BBS9: variants seen among roughly 807,000 people sequenced by gnomAD.
BBS9 encodes Bardet-Biedl syndrome 9.
In BBS9, 89 loss-of-function variants were observed where a neutral mutation model predicts 117.7. The observed-to-expected ratio is 0.76, with a 90% CI of 0.64 to 0.90. The LOEUF is 0.90. BBS9 is among the 40% of genes least tolerant of loss of function. BBS9 has a pLI of 0.00. For synonymous variants in BBS9, 379 were observed against 370.9 expected, an observed-to-expected ratio of 1.02 and a Z score of -0.25; for missense variants, 982 against 1,042.2, an observed-to-expected ratio of 0.94 and a Z score of 0.80.
intron 5 of BBS9, among the ~76,000 whole-genome samples, chr7:33,208,335 C>T (rs1787351548): frequency 6.6e-6 from 1 of 152,196 alleles, no homozygotes; most frequent in African/African-American, 2.4e-5. Context: ...AAACCTCTGT[C>T]TCTGTTTTCT....
chr7:33,273,083 C>G lies in BBS9; in HGVS notation c.774C>G (p.Ser258=). ...TTGTCTCTTTCAATCAGTCGGCATC[C>G]TCTGTTTTTGTTCTTGGTGAGAGAA... ...ICIVSFNQSA[S]SVFVLGERNF... is the part of the protein sequence containing the mutation. The change falls in exon 8 of 23, where the codon TCC becomes TCG. Residue 258 remains serine (S), a synonymous_variant. Transcript: ENST00000242067. 1 of 1,613,684 alleles carries G rather than the reference C, an allele frequency of 6.2e-7. No individual in the cohort carries two copies. Among genetic ancestry groups the G allele is most frequent in the Non-Finnish European group, 8.5e-7 (1 of 1,179,774 alleles).
intron 5 of BBS9, among the ~76,000 whole-genome samples, chr7:33,197,429 A>G (rs1008915084): frequency 6.6e-6 from 1 of 152,038 alleles, no homozygotes; most frequent in African/African-American, 2.4e-5. Context: ...GAAATGAACA[A>G]TCTGCCCTTC....
chr7:33,475,976 G>C (rs1411435211), intron 19 of BBS9, among the ~76,000 whole-genome samples: 1 of 152,120 alleles, frequency 6.6e-6, no homozygotes, highest in Non-Finnish European at 1.5e-5. Flanking sequence ...AGAGTCTGGT[G>C]CAATAAATAC....
chr7:33,341,789 G>C (rs560639271), intron 11 of BBS9, among the ~76,000 whole-genome samples: 1 of 149,758 alleles, frequency 6.7e-6, no homozygotes, highest in Non-Finnish European at 1.5e-5. Context: ...CTGAGAAATA[G>C]AAAGGATGAA....
chr7:33,213,972 C>T (rs1016813708), intron 5 of BBS9, among the ~76,000 whole-genome samples: 1 of 152,122 alleles, frequency 6.6e-6, no homozygotes, highest in Admixed American at 6.5e-5. Flanking sequence ...CAGCCACTCC[C>T]CTAGCCACCC....
chr7:33,164,185 G>A (rs1267649831), intron 4 of BBS9, among the ~76,000 whole-genome samples: 1 of 152,176 alleles, frequency 6.6e-6, no homozygotes, highest in Non-Finnish European at 1.5e-5. Flanking sequence ...ATTGCACTGT[G>A]GTCTGAGAGA....
rs775980587 is a variant in BBS9 at position 33,388,270 on chromosome 7, G to A, written c.2115+126G>A. The A allele has an allele frequency of 3.6e-4, 421 of 1,182,234 alleles. 4 individuals carry two copies. The South Asian group carries it at 4.8e-3, about 14-fold the overall frequency. 73.2% of individuals were successfully genotyped at this position (1,182,234 alleles called of 1,614,324 possible). A position where few individuals can be genotyped will look rare whatever the true frequency, so the allele number is the denominator to read the frequency against. ...AGTGCTTTAAGGAACAGTGAACAGT[G>A]CACAAGCTTTAGAGTCAGAAAAACC... On this transcript the variant is annotated intron_variant, in intron 19 of 22. Transcript: ENST00000242067.
chr7:33,632,354 A>G (rs757483428), intron 21 of BBS9, among the ~76,000 whole-genome samples: 1 of 152,132 alleles, frequency 6.6e-6, no homozygotes, highest in Non-Finnish European at 1.5e-5. Flanking sequence ...ACTTATTTCA[A>G]AATCATGGTG....
At chr7:33,463,500 T>G (rs1839773634) in intron 19 of BBS9, among the ~76,000 whole-genome samples, 2 of 152,088 alleles carry the variant, frequency 1.3e-5, no homozygotes, top group Admixed American at 6.6e-5. Context: ...CTTCCAGTCT[T>G]AAAAATTCTG....
chr7:33,487,340 T>TA (rs1491354720), intron 19 of BBS9, among the ~76,000 whole-genome samples: 1 of 152,192 alleles, frequency 6.6e-6, no homozygotes, highest in Non-Finnish European at 1.5e-5. Flanking sequence ...TGGAGAATAT[T>TA]AATTAAGATT....
intron 20 of BBS9, among the ~76,000 whole-genome samples, chr7:33,527,574 C>T (rs1020627271): frequency 2.6e-5 from 4 of 152,232 alleles, no homozygotes; most frequent in Admixed American, 2.6e-4. Flanking sequence ...CTTGCGCTTC[C>T]CAAGTGAGGC....
intron 20 of BBS9, among the ~76,000 whole-genome samples, chr7:33,529,657 C>T (rs1195073538): frequency 3.9e-5 from 6 of 152,046 alleles, no homozygotes; most frequent in African/African-American, 9.7e-5. Flanking sequence ...ACTCCCCCAC[C>T]GCTGTTGTTT....
At chr7:33,133,763 T>A (rs534843492) in intron 1 of BBS9, among the ~76,000 whole-genome samples, 5 of 152,372 alleles carry the variant, frequency 3.3e-5, no homozygotes, top group African/African-American at 9.6e-5. Context: ...TATAAACATT[T>A]ATGTGTAAGT....
intron 21 of BBS9, among the ~76,000 whole-genome samples, chr7:33,558,462 G>C (rs1855617586): frequency 6.6e-6 from 1 of 152,170 alleles, no homozygotes; most frequent in Admixed American, 6.5e-5. Context: ...AACAGGGCAG[G>C]CAAAGGATTC....
chr7:33,216,404 G>A lies in BBS9; in HGVS notation c.442+38813G>A, dbSNP rs528180836. The stretch of plus-strand genomic sequence containing the variant: ...CGAACTTTGTTTTCTGTTTGCCAAG[G>A]AAAGGGATTAGTGTGTCTGCACAAA... On this transcript the variant is annotated intron_variant, in intron 5 of 22. Coordinates refer to ENST00000242067, the MANE Select transcript of BBS9 (RefSeq NM_198428.3). 6.6e-5 allele frequency among the ~76,000 whole-genome samples: 10 copies of A among 152,268 alleles called. No individual in the cohort carries two copies. The South Asian group carries it at 1.0e-3, about 16-fold the overall frequency.
intron 21 of BBS9, among the ~76,000 whole-genome samples, chr7:33,567,399 T>C (rs1406315655): frequency 6.6e-6 from 1 of 152,178 alleles, no homozygotes; most frequent in Non-Finnish European, 1.5e-5. Context: ...TACCTTGTTA[T>C]TTCTCTTAAC....
intron 9 of BBS9, among the ~76,000 whole-genome samples, chr7:33,281,310 A>T (rs1801845949): frequency 2.5e-5 from 3 of 120,178 alleles, no homozygotes; most frequent in South Asian, 2.6e-4. Flanking sequence ...TTATTTTTTC[A>T]TTTGTTTGCT....
At position 33,565,844 on chromosome 7, in the gene BBS9, T is replaced by TATATATATA. The variant is rs5883407; in HGVS notation, c.2521+31668_2521+31669insATATATATA. Among the ~76,000 whole-genome samples, 130 of 79,962 alleles carry TATATATATA rather than the reference T, an allele frequency of 1.6e-3. 3 individuals carry two copies. Among genetic ancestry groups the TATATATATA allele is most frequent in the South Asian group, 6.0e-3 (12 of 1,986 alleles). The allele number at this position is 79,962 out of a possible 152,430, so 52.5% of individuals were successfully genotyped here. On this transcript the variant is annotated intron_variant, in intron 21 of 22. Transcript: ENST00000242067. ...ATATATATACCGCTATATATACTGCTTATATATATATATATATATATATAT... is the reference window on the plus strand; with the variant it reads ...ATATATATACCGCTATATATACTGCTATATATATATATATATATATATATATATATATAT...
At chr7:33,520,082 C>T (rs1848384816) in intron 20 of BBS9, among the ~76,000 whole-genome samples, 1 of 150,506 alleles carries the variant, frequency 6.6e-6, no homozygotes, top group African/African-American at 2.5e-5. Context: ...GATCTCAGCT[C>T]ACCGCAACCT....
Sources: gnomAD v4.1 joint callset for allele counts (sites outside exome capture counted in the v4.1 genomes callset) on GRCh38, gnomAD v4.1.1 for gene constraint, MANE v1.5 for transcripts, NCBI Gene and HGNC (gene_info 2026-07-23, HGNC 2026-07-21) for gene names.